ADAM17: variants seen among roughly 807,000 people sequenced by gnomAD.
The protein encoded by ADAM17 is disintegrin and metalloproteinase domain-containing protein 17.
A neutral mutation model predicts 96.7 loss-of-function variants in ADAM17; 39 were observed. The ratio of observed to expected loss-of-function variants is 0.40; its 90% CI spans 0.31 to 0.53. The LOEUF is 0.53. Ranked by LOEUF, ADAM17 falls within the 20% of genes least tolerant of loss-of-function variation. The pLI, the probability that ADAM17 is intolerant of heterozygous loss-of-function variation, is 0.44. For synonymous variants in ADAM17, 344 were observed against 359.2 expected (o/e 0.96, Z 0.48); for missense variants, 777 against 1,013.2 (o/e 0.77, Z 3.17).
At position 9,502,153 on chromosome 2, in the gene ADAM17, G is replaced by A; in HGVS notation, c.1648+20C>T. 3 of 1,600,776 alleles carry A rather than the reference G, an allele frequency of 1.9e-6. No homozygotes were observed. The highest frequency in any genetic ancestry group is 2.6e-6 in the Non-Finnish European group (3 of 1,168,380). On this transcript the variant is annotated intron_variant, in intron 13 of 18. Coordinates refer to ENST00000310823, the MANE Select transcript of ADAM17 (RefSeq NM_003183.6). ...CACACTTGACCCACAGCATTCCAAG[G>A]AAGCAACAAGAACACGAACCTGTGC...
At chr2:9,526,056 A>G in intron 6 of ADAM17, 55 bp downstream of exon 6, 1 of 1,504,730 alleles carries the variant, frequency 6.6e-7, no homozygotes. Flanking sequence ...AGTTTCATGG[A>G]ATGTACCCAC....
At chr2:9,497,059 G>A in intron 14 of ADAM17, 55 bp downstream of exon 14, 3 of 1,589,142 alleles carry the variant, frequency 1.9e-6, no homozygotes, top group Non-Finnish European at 2.6e-6. Context: ...AAGGGAGCCT[G>A]GCAGACAAAG....
At chr2:9,540,577 A>G (rs1306096888) in intron 2 of ADAM17, among the ~76,000 whole-genome samples, 1 of 152,190 alleles carries the variant, frequency 6.6e-6, no homozygotes, top group African/African-American at 2.4e-5. Context: ...AATAAAAAGA[A>G]GTCATTAAAA....
intron 10 of ADAM17, among the ~76,000 whole-genome samples, chr2:9,514,071 CTT>C (rs1663898014): frequency 6.6e-6 from 1 of 151,702 alleles, no homozygotes; most frequent in Admixed American, 6.6e-5. Context: ...TAATTAGTGT[CTT>C]TTTCTTTTCT....
chr2:9,491,613 T>C (rs1184058570), intron 17 of ADAM17, among the ~76,000 whole-genome samples: 1 of 152,148 alleles, frequency 6.6e-6, no homozygotes, highest in East Asian at 1.9e-4. Flanking sequence ...GTCTCCACAG[T>C]TTCTGTGGAC....
chr2:9,536,637 A>C, intron 3 of ADAM17, 61 bp downstream of exon 3: 1 of 1,596,938 alleles, frequency 6.3e-7, no homozygotes, highest in Non-Finnish European at 8.5e-7. Flanking sequence ...TATGCAATCA[A>C]GTTAGATTTG....
rs945279084 is a variant in ADAM17, at chr2:9,536,175, AT to A, written c.362-254del. ...ACTGCTAAGATTTTCTTCTGGAATA[AT>A]TTTATCTACTTCTAGGTAAAGGAAG... On this transcript the variant is annotated intron_variant, in intron 3 of 18. Transcript: ENST00000310823. Among the ~76,000 whole-genome samples the A allele has an allele frequency of 4.5e-4, 68 of 152,322 alleles. 1 individual carries two copies. The highest frequency in any genetic ancestry group is 1.6e-3 in the African/African-American group (66 of 41,574).
chr2:9,491,407 T>C (rs182030869), intron 17 of ADAM17, among the ~76,000 whole-genome samples: 1 of 152,322 alleles, frequency 6.6e-6, no homozygotes, highest in East Asian at 1.9e-4. Context: ...TTAAGTGCTA[T>C]GTTTTCTGAG....
At chr2:9,502,030 A>G (rs377612367) in intron 13 of ADAM17, 143 bp downstream of exon 13, 17 of 715,158 alleles carry the variant, frequency 2.4e-5, no homozygotes, top group African/African-American at 1.2e-4. Flanking sequence ...CAAGTGTCAC[A>G]AACTAAGGAG....
At chr2:9,550,205 C>A (rs756086728) in intron 1 of ADAM17, among the ~76,000 whole-genome samples, 2 of 152,040 alleles carry the variant, frequency 1.3e-5, no homozygotes, top group African/African-American at 2.4e-5. Context: ...GACCCCAGAG[C>A]CTGGGAACTA....
intron 1 of ADAM17, among the ~76,000 whole-genome samples, chr2:9,551,923 G>A (rs79137600): frequency 0.011 from 1,739 of 152,156 alleles, 20 homozygotes; most frequent in Non-Finnish European, 0.019. Context: ...ATAAGTAATC[G>A]TTTTGTTATA....
intron 1 of ADAM17, 134 bp downstream of exon 1, chr2:9,555,375 T>C (rs1490558149): frequency 1.4e-6 from 1 of 698,022 alleles, no homozygotes; most frequent in African/African-American, 1.8e-5. Flanking sequence ...CACCCCCTTC[T>C]ACACTGAAAA....
intron 1 of ADAM17, among the ~76,000 whole-genome samples, chr2:9,550,166 AAGGG>A (rs1400359914): frequency 6.6e-6 from 1 of 152,150 alleles, no homozygotes; most frequent in African/African-American, 2.4e-5. Context: ...GAATGAGAAA[AAGGG>A]AGCAGTGCTC....
intron 2 of ADAM17, among the ~76,000 whole-genome samples, chr2:9,542,545 A>G (rs916898629): frequency 6.6e-6 from 1 of 152,196 alleles, no homozygotes; most frequent in African/African-American, 2.4e-5. Flanking sequence ...CACATGATTG[A>G]TGGTTATAAA....
intron 2 of ADAM17, among the ~76,000 whole-genome samples, chr2:9,537,771 A>G (rs528472197): frequency 6.6e-6 from 1 of 151,524 alleles, no homozygotes; most frequent in South Asian, 2.1e-4. Context: ...TCAAAACAAC[A>G]TATCTTGCAA....
chr2:9,494,526 G>C (rs1444907901), intron 15 of ADAM17, 111 bp downstream of exon 15: 2 of 1,263,624 alleles, frequency 1.6e-6, no homozygotes, highest in Non-Finnish European at 2.2e-6. Context: ...TGGGCCAGAA[G>C]GATGTAGCCC....
At chr2:9,520,964 C>CAAAAAAAAAAAAAAAAAAAAA (rs55909096) in intron 8 of ADAM17, among the ~76,000 whole-genome samples, 4 of 26,288 alleles carry the variant, frequency 1.5e-4, no homozygotes, top group Admixed American at 3.9e-4. Context: ...AACTCTGTCT[C>CAAAAAAAAAAAAAAAAAAAAA]AAAAAAAAAA....
At chr2:9,511,175 G>A (rs944965516) in intron 10 of ADAM17, among the ~76,000 whole-genome samples, 2 of 152,130 alleles carry the variant, frequency 1.3e-5, no homozygotes, top group African/African-American at 2.4e-5. Flanking sequence ...ACGGATAGGC[G>A]CAGTGGCTCA....
chr2:9,515,849 A>G lies in ADAM17; in HGVS notation c.1191+2052T>C, dbSNP rs10185335. 3.1e-3 allele frequency among the ~76,000 whole-genome samples: 465 copies of G among 152,214 alleles called. 2 individuals are homozygous for G. Among genetic ancestry groups the G allele is most frequent in the African/African-American group, 0.011 (448 of 41,524 alleles). On this transcript the variant is annotated intron_variant, in intron 10 of 18. Transcript: ENST00000310823. ...AATTAATGAGAGTTCCTGTTGCTCCATAGCCTTGTTGGAATTGTGTTGCCA... is the reference window on the plus strand; with the variant it reads ...AATTAATGAGAGTTCCTGTTGCTCCGTAGCCTTGTTGGAATTGTGTTGCCA...
Sources: allele counts gnomAD v4.1 joint callset (sites outside exome capture counted in the v4.1 genomes callset), GRCh38; gene constraint gnomAD v4.1.1; transcripts MANE v1.5; gene names NCBI Gene and HGNC (gene_info 2026-07-23, HGNC 2026-07-21).